PLA2G2E: variants seen among roughly 807,000 people sequenced by gnomAD.
PLA2G2E encodes the protein group IIE secretory phospholipase A2.
Under a neutral mutation model 16.5 loss-of-function variants are expected in PLA2G2E, and 14 were observed. The ratio of observed to expected loss-of-function variants is 0.85; its 90% CI spans 0.56 to 1.33. The LOEUF is 1.33. Among genes scored for constraint, PLA2G2E ranks in the 40% most tolerant of loss-of-function variants. The pLI is 0.00. For missense variants in PLA2G2E, 174 were observed against 190.7 expected (o/e 0.91, Z 0.52); for synonymous variants, 72 against 77.2 (o/e 0.93, Z 0.36).
At chr1:19,922,453 T>C (rs1222205629) in intron 2 of PLA2G2E, 49 bp from the exon 3 acceptor site, 1 of 1,583,150 alleles carries the variant, frequency 6.3e-7, no homozygotes, top group East Asian at 2.2e-5. Flanking sequence ...CAGGCTGGGC[T>C]GGACCAGGGG....
chr1:19,920,252 A>T lies in PLA2G2E; in HGVS notation c.*55T>A, dbSNP rs1420311205. The T allele has an allele frequency of 1.8e-5, 28 of 1,527,796 alleles. No individual in the cohort carries two copies. In the East Asian group the frequency reaches 5.9e-4, roughly 32 times the overall value. 94.6% of individuals were successfully genotyped at this position (1,527,796 alleles called of 1,614,324 possible). The stretch of plus-strand genomic sequence containing the variant: ...GGTGCCAATGTTCCCCAGGCCTGGG[A>T]CTACAGCAGCCCGAGGCGGGACCTC... On this transcript the variant is annotated 3_prime_UTR_variant, in exon 4 of 4. Transcript: ENST00000375116. The surrounding 1 kb of genome is among the most constrained non-coding windows in gnomAD (Gnocchi z 4.3).
At chr1:19,922,433 A>T (rs1322346425) in intron 2 of PLA2G2E, 29 bp from the exon 3 acceptor site, 1 of 1,598,488 alleles carries the variant, frequency 6.3e-7, no homozygotes, top group Admixed American at 1.7e-5. Flanking sequence ...ACCTGGAGGG[A>T]CCTGTGAGCC....
Position 19,920,536 on chromosome 1 carries a change from A to G in PLA2G2E, c.287-87T>C. The G allele has an allele frequency of 1.5e-6, 2 of 1,339,816 alleles. No homozygotes were observed. The highest frequency in any genetic ancestry group is 2.1e-6 in the Non-Finnish European group (2 of 967,472). The allele number at this position is 1,339,816 out of a possible 1,614,324, so 83.0% of individuals were successfully genotyped here. A position where few individuals can be genotyped will look rare whatever the true frequency, so the allele number is the denominator to read the frequency against. On this transcript the variant is annotated intron_variant, in intron 3 of 3. Coordinates refer to ENST00000375116, the MANE Select transcript of PLA2G2E (RefSeq NM_014589.3). The surrounding 1 kb of genome is among the most constrained non-coding windows in gnomAD (Gnocchi z 4.3). The stretch of plus-strand genomic sequence containing the variant: ...GGCTGCTTCTGGGTCCACGTTCTTG[A>G]CCTGGACCAACTCCATTCTGATGGA...
intron 1 of PLA2G2E, among the ~76,000 whole-genome samples, chr1:19,923,099 ACT>A (rs1045497999): frequency 4.6e-5 from 7 of 151,292 alleles, no homozygotes; most frequent in African/African-American, 1.7e-4. Context: ...ACCCAGGAAC[ACT>A]CTGTCCCCCC....
In PLA2G2E at chr1:19,922,289, T is replaced by C. The variant is rs758734845; in HGVS notation, c.286+9A>G. ...GGGTGTCTAGGTCACTTCAGGGCTCTCCACCTACCGCAGAAAATGCCACGT... is the reference window on the plus strand; with the variant it reads ...GGGTGTCTAGGTCACTTCAGGGCTCCCCACCTACCGCAGAAAATGCCACGT... On this transcript the variant is annotated intron_variant, in intron 3 of 3. Transcript: ENST00000375116. The C allele has an allele frequency of 6.2e-7, 1 of 1,606,220 alleles. No homozygotes were observed. The highest frequency in any genetic ancestry group is 8.5e-7 in the Non-Finnish European group (1 of 1,173,140).
chr1:19,922,701 G>A lies in PLA2G2E; in HGVS notation c.95C>T (p.Thr32Ile). ...VQFGVMIEKM[T>I]GKSALQYNDY... ...GTTGTACTGCAGGGCGGACTTGCCT[G>A]TCATCTTCTCGATCATCACCCCAAA... Residue 32 changes from threonine to isoleucine, a missense_variant, in exon 2 of 4, where the codon ACA (threonine) becomes ATA (isoleucine). Transcript: ENST00000375116. The A allele has an allele frequency of 6.2e-7, 1 of 1,614,010 alleles. No homozygotes were observed. The highest frequency in any genetic ancestry group is 1.1e-5 in the South Asian group (1 of 91,076).
In PLA2G2E at chr1:19,920,510, T is replaced by C. The variant is rs2045806623; in HGVS notation, c.287-61A>G. 7 of 1,546,796 alleles carry C rather than the reference T, an allele frequency of 4.5e-6. No individual in the cohort carries two copies. The highest frequency in any genetic ancestry group is 5.3e-6 in the Non-Finnish European group (6 of 1,136,058). On this transcript the variant is annotated intron_variant, in intron 3 of 3. Coordinates refer to ENST00000375116, the MANE Select transcript of PLA2G2E (RefSeq NM_014589.3). The surrounding 1 kb of genome is among the most constrained non-coding windows in gnomAD (Gnocchi z 4.3). The stretch of plus-strand genomic sequence containing the variant: ...CTCAGGATATGTGTGGGACAGCTCT[T>C]GGCTGCTTCTGGGTCCACGTTCTTG...
chr1:19,922,303 A>G lies in PLA2G2E; in HGVS notation c.281T>C (p.Phe94Ser). The change falls in exon 3 of 4, where the codon TTC (phenylalanine) becomes TCC (serine). Residue 94 changes from phenylalanine (F) to serine (S), a missense_variant. Physicochemically the swap from Phe to Ser is radical, Grantham distance 155. Coordinates refer to ENST00000375116, the MANE Select transcript of PLA2G2E (RefSeq NM_014589.3). ...YLFSVSERGI[F>S]CAGRTTCQRL... ...CTTCAGGGCTCTCCACCTACCGCAG[A>G]AAATGCCACGTTCGCTGACAGAGAA... The G allele has an allele frequency of 6.2e-7, 1 of 1,613,248 alleles. No individual in the cohort carries two copies. The highest frequency in any genetic ancestry group is 8.5e-7 in the Non-Finnish European group (1 of 1,179,250).
chr1:19,922,575 C>A, intron 2 of PLA2G2E, 42 bp downstream of exon 2: 1 of 1,610,110 alleles, frequency 6.2e-7, no homozygotes, highest in Non-Finnish European at 8.5e-7. Flanking sequence ...TCCCCCAGCT[C>A]CTCCATCCCC....
rs761198842 is a variant in PLA2G2E at position 19,920,291 on chromosome 1, G to A, written c.*16C>T. 6.2e-7 allele frequency: 1 copy of A among 1,606,654 alleles called. No individual in the cohort carries two copies. The highest frequency in any genetic ancestry group is 1.7e-5 in the Admixed American group (1 of 59,858). On this transcript the variant is annotated 3_prime_UTR_variant, in exon 4 of 4. Transcript: ENST00000375116. The surrounding 1 kb of genome is among the most constrained non-coding windows in gnomAD (Gnocchi z 4.3). ...AGGCGGGACCTCCAGGGACGGGGGG[G>A]AGGCCGAGCATAGCCTCAGCAGGGC... is the stretch of plus-strand genomic sequence containing the variant.
chr1:19,922,146 C>T (rs1485459420), intron 3 of PLA2G2E, 152 bp downstream of exon 3: 6 of 610,314 alleles, frequency 9.8e-6, no homozygotes, highest in East Asian at 8.6e-5. Context: ...TGGGTCTCCA[C>T]TGTTACGTGG....
chr1:19,921,588 G>A (rs984649123), intron 3 of PLA2G2E, among the ~76,000 whole-genome samples: 2 of 152,234 alleles, frequency 1.3e-5, no homozygotes, highest in South Asian at 2.1e-4. Context: ...AATGGAGCCA[G>A]CTCTGCCCCG....
rs765070910 is a variant in PLA2G2E at position 19,920,286 on chromosome 1, G to A, written c.*21C>T. 1.2e-5 allele frequency: 20 copies of A among 1,604,686 alleles called. No homozygotes were observed. Among genetic ancestry groups the A allele is most frequent in the Admixed American group, 1.7e-5 (1 of 59,796 alleles). On this transcript the variant is annotated 3_prime_UTR_variant, in exon 4 of 4. Coordinates refer to ENST00000375116, the MANE Select transcript of PLA2G2E (RefSeq NM_014589.3). This position sits in a 1 kb window ranked among gnomAD's most constrained non-coding sequence, Gnocchi z 4.3. ...GCCCGAGGCGGGACCTCCAGGGACG[G>A]GGGGGAGGCCGAGCATAGCCTCAGC...
chr1:19,921,910 C>CTCCTACTTTTATAAG, intron 3 of PLA2G2E, among the ~76,000 whole-genome samples: 1 of 152,232 alleles, frequency 6.6e-6, no homozygotes, highest in African/African-American at 2.4e-5. Flanking sequence ...TGTCCCCAGT[C>CTCCTACTTTTATAAG]AAAGCCCCAG....
Position 19,920,069 on chromosome 1 carries a change from C to CA in PLA2G2E, c.*237dup. 1 of 452,614 alleles carries CA rather than the reference C, an allele frequency of 2.2e-6. No homozygotes were observed. The highest frequency in any genetic ancestry group is 4.7e-5 in the South Asian group (1 of 21,310). 28.0% of individuals were successfully genotyped at this position (452,614 alleles called of 1,614,324 possible). On this transcript the variant is annotated 3_prime_UTR_variant, in exon 4 of 4. Coordinates refer to ENST00000375116, the MANE Select transcript of PLA2G2E (RefSeq NM_014589.3). This position sits in a 1 kb window ranked among gnomAD's most constrained non-coding sequence, Gnocchi z 4.3. ...GAGCTGAGATCCCAGAAGCTAGTGACAGTCTTCTGGGTGCTGAAGGGTCCA... is the reference window on the plus strand; with the variant it reads ...GAGCTGAGATCCCAGAAGCTAGTGACAAGTCTTCTGGGTGCTGAAGGGTCCA...
chr1:19,920,369 A>G lies in PLA2G2E; in HGVS notation c.367T>C (p.Tyr123His). Reference protein sequence around the residue: ...ALCFRRNLGTYNRKYAHYPNK... With the variant: ...ALCFRRNLGTHNRKYAHYPNK... ...GGATAATGGGCATATTTGCGGTTGT[A>G]GGTGCCCAGGTTGCGGCGAAAGCAG... is the stretch of plus-strand genomic sequence containing the variant. Residue 123 changes from tyrosine (Y) to histidine (H), a missense_variant, in exon 4 of 4, where the codon TAC becomes CAC. By Grantham distance (83) the Tyr-to-His change is moderately conservative. Transcript: ENST00000375116. The surrounding 1 kb of genome is among the most constrained non-coding windows in gnomAD (Gnocchi z 4.3). 6.2e-7 allele frequency: 1 copy of G among 1,613,818 alleles called. No individual in the cohort carries two copies. The highest frequency in any genetic ancestry group is 8.5e-7 in the Non-Finnish European group (1 of 1,179,850).
chr1:19,921,591 C>T (rs1255959662), intron 3 of PLA2G2E, among the ~76,000 whole-genome samples: 1 of 152,250 alleles, frequency 6.6e-6, no homozygotes, highest in Admixed American at 6.5e-5. Context: ...GGAGCCAGCT[C>T]TGCCCCGCCG....
rs2045825260 is a variant in PLA2G2E, at chr1:19,922,642, G to A, written c.154C>T (p.His52Tyr). 2 of 1,614,028 alleles carry A rather than the reference G, an allele frequency of 1.2e-6. No homozygotes were observed. Among genetic ancestry groups the A allele is most frequent in the Non-Finnish European group, 1.7e-6 (2 of 1,179,968 alleles). Residue 52 changes from histidine to tyrosine, a missense_variant, in exon 2 of 4, where the codon CAC (histidine) becomes TAC (tyrosine). His to Tyr is a moderately conservative substitution (Grantham distance 83). Coordinates refer to ENST00000375116, the MANE Select transcript of PLA2G2E (RefSeq NM_014589.3). ...YGCYCGIGGS[H>Y]WPVDQTDWCC... ...CAGTCAGTCTGGTCCACCGGCCAGT[G>A]GGAGCCACCGATGCCGCAGTAACAG...
chr1:19,923,404 G>T (rs768621770), intron 1 of PLA2G2E, 116 bp downstream of exon 1: 32 of 882,338 alleles, frequency 3.6e-5, no homozygotes, highest in Non-Finnish European at 5.3e-5. Flanking sequence ...CAGGAAGGGG[G>T]CAGCCTCCAG....
Sources: gnomAD v4.1 joint callset for allele counts (sites outside exome capture counted in the v4.1 genomes callset) on GRCh38, gnomAD v4.1.1 for gene constraint, Gnocchi (gnomAD v3.1) non-coding constraint, MANE v1.5 for transcripts, NCBI Gene and HGNC (gene_info 2026-07-23, HGNC 2026-07-21) for gene names.